BCAS3: variants seen among roughly 807,000 people sequenced by gnomAD.
The protein encoded by BCAS3 is BCAS4/BCAS3 fusion.
BCAS3 carries 53 observed loss-of-function variants against 116.1 expected under a neutral mutation model. The observed-to-expected ratio is 0.46, with a 90% CI of 0.37 to 0.57. The LOEUF is 0.57. BCAS3 is among the 20% of genes least tolerant of loss of function. BCAS3 has a pLI of 0.00. For synonymous variants in BCAS3, 391 were observed against 408.2 expected (o/e 0.96, Z 0.51); for missense variants, 917 against 1,165.4 (o/e 0.79, Z 3.10).
intron 18 of BCAS3, among the ~76,000 whole-genome samples, chr17:61,039,984 C>CA (rs2059981187): frequency 6.6e-6 from 1 of 152,112 alleles, no homozygotes; most frequent in South Asian, 2.1e-4. Context: ...TATTAAGAAT[C>CA]AGAGTCCATC....
At chr17:61,272,887 G>A (rs138618207) in intron 22 of BCAS3, among the ~76,000 whole-genome samples, 1 of 151,740 alleles carries the variant, frequency 6.6e-6, no homozygotes, top group East Asian at 1.9e-4. Context: ...TCACTGTCAC[G>A]CTGGGGAGTC....
rs1157925722 is a variant in BCAS3, at chr17:61,244,949, T to G, written c.2426-123378T>G. ...TGCAATTGCATAGTATTTTGTGATTTCATTATTCATCTTTCTAAATGTGGT... is the reference window on the plus strand; with the variant it reads ...TGCAATTGCATAGTATTTTGTGATTGCATTATTCATCTTTCTAAATGTGGT... On this transcript the variant is annotated intron_variant, in intron 22 of 23. Transcript: ENST00000407086. The surrounding 1 kb of genome is among the most constrained non-coding windows in gnomAD (Gnocchi z 4.9). Among the ~76,000 whole-genome samples, 1 of 152,244 alleles carries G rather than the reference T, an allele frequency of 6.6e-6. No individual in the cohort carries two copies. The highest frequency in any genetic ancestry group is 2.4e-5 in the African/African-American group (1 of 41,470).
intron 7 of BCAS3, chr17:60,810,607 G>A: frequency 1.4e-6 from 1 of 713,798 alleles, no homozygotes; most frequent in Middle Eastern, 2.8e-4. Flanking sequence ...TGTGGACAGT[G>A]CCTGCATCGT....
intron 6 of BCAS3, among the ~76,000 whole-genome samples, chr17:60,764,411 G>A (rs138212308): frequency 6.6e-6 from 1 of 152,262 alleles, no homozygotes; most frequent in East Asian, 1.9e-4. Context: ...GTTCTCACTA[G>A]TTTCAAAGAA....
intron 6 of BCAS3, among the ~76,000 whole-genome samples, chr17:60,757,034 G>A (rs994615620): frequency 6.6e-6 from 1 of 151,994 alleles, no homozygotes; most frequent in East Asian, 1.9e-4. Context: ...GTGTTGGCGC[G>A]TGCCTGTAGT....
chr17:60,852,050 A>G (rs1489807022), intron 7 of BCAS3, among the ~76,000 whole-genome samples: 2 of 152,178 alleles, frequency 1.3e-5, no homozygotes, highest in Non-Finnish European at 2.9e-5. Flanking sequence ...TTCATATCCT[A>G]TAATACAAAG....
At position 61,244,100 on chromosome 17, in the gene BCAS3, A is replaced by C. The variant is rs1401361538; in HGVS notation, c.2426-124227A>C. Among the ~76,000 whole-genome samples the C allele has an allele frequency of 1.3e-5, 2 of 152,216 alleles. No homozygotes were observed. Among genetic ancestry groups the C allele is most frequent in the African/African-American group, 4.8e-5 (2 of 41,448 alleles). On this transcript the variant is annotated intron_variant, in intron 22 of 23. Transcript: ENST00000407086. The surrounding 1 kb of genome is among the most constrained non-coding windows in gnomAD (Gnocchi z 4.9). The stretch of plus-strand genomic sequence containing the variant: ...AATTACTTCAAGTTTTAAAAGAATA[A>C]TATGTCAAATTAAAGCATTTTTAAA...
intron 19 of BCAS3, among the ~76,000 whole-genome samples, chr17:61,044,465 A>AAAAAAAAAAAATATATATATATATAT: frequency 1.7e-5 from 2 of 120,116 alleles, no homozygotes; most frequent in African/African-American, 1.0e-4. Flanking sequence ...AAAAAAAAAA[A>AAAAAAAAAAAATATATATATATATAT]ATATATATAT....
At chr17:60,861,958 T>A (rs2054193671) in intron 7 of BCAS3, among the ~76,000 whole-genome samples, 1 of 152,160 alleles carries the variant, frequency 6.6e-6, no homozygotes, top group African/African-American at 2.4e-5. Context: ...TCCTTATTTG[T>A]TAATGTCTCT....
chr17:61,101,070 ATTTAT>A (rs2074298114), intron 22 of BCAS3, among the ~76,000 whole-genome samples: 1 of 152,054 alleles, frequency 6.6e-6, no homozygotes, highest in Non-Finnish European at 1.5e-5. Context: ...AACTATTTAT[ATTTAT>A]TCTTTTTATC....
chr17:61,331,125 A>G (rs549767073), intron 22 of BCAS3, among the ~76,000 whole-genome samples: 10 of 152,292 alleles, frequency 6.6e-5, no homozygotes, highest in African/African-American at 2.4e-4. Flanking sequence ...TTTCCCAGAA[A>G]GGTCAGAGAA....
chr17:60,891,707 A>G (rs1384032234), intron 10 of BCAS3: 1 of 455,852 alleles, frequency 2.2e-6, no homozygotes, highest in African/African-American at 2.0e-5. Context: ...TTACACAGGT[A>G]TATTGTGTAA....
chr17:61,009,374 T>A (rs148144251), intron 15 of BCAS3, among the ~76,000 whole-genome samples: 1 of 152,222 alleles, frequency 6.6e-6, no homozygotes, highest in East Asian at 1.9e-4. Context: ...TATTCCATTG[T>A]AGGTCTTAGT....
intron 22 of BCAS3, among the ~76,000 whole-genome samples, chr17:61,271,097 G>T (rs888527476): frequency 3.4e-5 from 5 of 147,652 alleles, no homozygotes; most frequent in Non-Finnish European, 7.5e-5. Context: ...TTTGTACATG[G>T]TGTAAGGGAA....
In BCAS3 at chr17:61,077,390, G is replaced by C. The variant is rs548336204; in HGVS notation, c.2131-943G>C. Among the ~76,000 whole-genome samples, 3 of 152,028 alleles carry C rather than the reference G, an allele frequency of 2.0e-5. No homozygotes were observed. The highest frequency in any genetic ancestry group is 4.4e-5 in the Non-Finnish European group (3 of 68,006). The stretch of plus-strand genomic sequence containing the variant: ...AAATTAGCCGGGCGTGGTGGCGGGC[G>C]CCTGTAGTCCCAGCTACTGGGGAGG... On this transcript the variant is annotated intron_variant, in intron 20 of 23. Transcript: ENST00000407086. The surrounding 1 kb of genome is among the most constrained non-coding windows in gnomAD (Gnocchi z 4.3).
At position 60,911,041 on chromosome 17, in the gene BCAS3, A is replaced by G. The variant is rs1394652655; in HGVS notation, c.993+339A>G. On this transcript the variant is annotated intron_variant, in intron 12 of 23. Coordinates refer to ENST00000407086, the MANE Select transcript of BCAS3 (RefSeq NM_017679.5). ...TCTTAACTTGCTACCCTAGAGACTC[A>G]GTTATTGTTTCTTTTTTGTGTGTAA... Among the ~76,000 whole-genome samples the G allele has an allele frequency of 4.6e-5, 7 of 150,762 alleles. No homozygotes were observed. The East Asian group carries it at 1.4e-3, about 29-fold the overall frequency.
intron 19 of BCAS3, among the ~76,000 whole-genome samples, chr17:61,045,889 TATATA>T (rs1160296409): frequency 1.3e-4 from 5 of 38,216 alleles, no homozygotes; most frequent in African/African-American, 4.1e-4. Context: ...ATATATTATA[TATATA>T]ATATATATAA....
intron 7 of BCAS3, among the ~76,000 whole-genome samples, chr17:60,839,259 A>G (rs7210641): frequency 0.22 from 33,461 of 152,104 alleles, 4,727 homozygotes; most frequent in African/African-American, 0.41. Context: ...AAACCTCCTT[A>G]AAGATAGTCT....
chr17:60,876,232 G>A lies in BCAS3; in HGVS notation c.661+1494G>A, dbSNP rs115020880. ...CCAAAACCTTCTTTATGAAAGTTTA[G>A]TGTCCTTGCTAAATCTTTTCTACAA... On this transcript the variant is annotated intron_variant, in intron 9 of 23. Coordinates refer to ENST00000407086, the MANE Select transcript of BCAS3 (RefSeq NM_017679.5). 7.7e-3 allele frequency among the ~76,000 whole-genome samples: 1,165 copies of A among 152,124 alleles called. 19 individuals carry two copies. The highest frequency in any genetic ancestry group is 0.026 in the African/African-American group (1,095 of 41,556).
Sources: allele counts gnomAD v4.1 joint callset (sites outside exome capture counted in the v4.1 genomes callset), GRCh38; gene constraint gnomAD v4.1.1; non-coding constraint Gnocchi (gnomAD v3.1); transcripts MANE v1.5; gene names NCBI Gene and HGNC (gene_info 2026-07-23, HGNC 2026-07-21).